Variants in CYB5R4 observed in about 807,000 individuals in gnomAD.
CYB5R4 encodes cytochrome b5 reductase 4.
A neutral mutation model predicts 70.2 loss-of-function variants in CYB5R4; 55 were observed. That is an observed-to-expected ratio of 0.78 (90% CI 0.63 to 0.98). The LOEUF (loss-of-function observed/expected upper bound fraction) is 0.98, where lower values mean the gene tolerates loss of function less well. CYB5R4 is among the 50% of genes least tolerant of loss of function. CYB5R4 has a pLI of 0.00. For synonymous variants in CYB5R4, 197 were observed against 199.5 expected (o/e 0.99, Z 0.11); for missense variants, 562 against 612.6 (o/e 0.92, Z 0.87).
rs550167851 is a variant in CYB5R4, at chr6:83,897,518, T to C, written c.330+3896T>C. On this transcript the variant is annotated intron_variant, in intron 3 of 15. Transcript: ENST00000369681. Reference sequence around the variant, plus strand: ...AACCAGTTTACAGTCTCACTAACAGTAAAAGTGTTCCTGTTTCTCCACATC... The same window carrying C: ...AACCAGTTTACAGTCTCACTAACAGCAAAAGTGTTCCTGTTTCTCCACATC... Among the ~76,000 whole-genome samples, 45 of 152,334 alleles carry C rather than the reference T, an allele frequency of 3.0e-4. No homozygotes were observed. The South Asian group carries it at 8.3e-3, about 28-fold the overall frequency.
intron 2 of CYB5R4, among the ~76,000 whole-genome samples, chr6:83,889,850 C>T (rs763181005): frequency 3.9e-5 from 6 of 151,978 alleles, no homozygotes; most frequent in Non-Finnish European, 8.8e-5. Context: ...AAAGCAGAAG[C>T]AAGAAAAAGA....
At chr6:83,865,739 G>A (rs1347200366) in intron 2 of CYB5R4, among the ~76,000 whole-genome samples, 1 of 152,050 alleles carries the variant, frequency 6.6e-6, no homozygotes, top group Non-Finnish European at 1.5e-5. Flanking sequence ...GAATTTGGAG[G>A]GGGACACAGT....
At chr6:83,884,674 A>G (rs550140895) in intron 2 of CYB5R4, among the ~76,000 whole-genome samples, 1 of 152,272 alleles carries the variant, frequency 6.6e-6, no homozygotes, top group South Asian at 2.1e-4. Flanking sequence ...TAATTGTAAC[A>G]ATCGACCTGT....
chr6:83,891,194 G>A (rs1178714133), intron 2 of CYB5R4, among the ~76,000 whole-genome samples: 1 of 151,984 alleles, frequency 6.6e-6, no homozygotes, highest in Non-Finnish European at 1.5e-5. Flanking sequence ...CAATCCTCCT[G>A]CCTCGGCCTC....
chr6:83,882,980 GCAAA>G (rs897349505), intron 2 of CYB5R4, among the ~76,000 whole-genome samples: 5 of 151,728 alleles, frequency 3.3e-5, no homozygotes, highest in African/African-American at 7.3e-5. Context: ...TCTCAAAAAA[GCAAA>G]CAAACAAAGG....
intron 15 of CYB5R4, among the ~76,000 whole-genome samples, chr6:83,957,331 T>G (rs1373459656): frequency 6.6e-6 from 1 of 152,126 alleles, no homozygotes; most frequent in Non-Finnish European, 1.5e-5. Context: ...ATAATACTTT[T>G]AAATAATTAG....
intron 9 of CYB5R4, 29 bp downstream of exon 9, chr6:83,922,499 A>G (rs1465903303): frequency 1.9e-6 from 3 of 1,553,528 alleles, no homozygotes; most frequent in Non-Finnish European, 1.8e-6. Flanking sequence ...AAAATTATGT[A>G]TGTACGTACA....
At chr6:83,930,272 A>G (rs180754945) in intron 10 of CYB5R4, among the ~76,000 whole-genome samples, 148 of 152,216 alleles carry the variant, frequency 9.7e-4, no homozygotes, top group African/African-American at 3.3e-3. Flanking sequence ...GCCCACATCG[A>G]TTGACCCTTT....
At chr6:83,872,805 C>T (rs1398255823) in intron 2 of CYB5R4, among the ~76,000 whole-genome samples, 1 of 152,180 alleles carries the variant, frequency 6.6e-6, no homozygotes. Context: ...TATACTTACT[C>T]ACTTAAACCT....
At chr6:83,927,460 A>T (rs1273967318) in intron 10 of CYB5R4, among the ~76,000 whole-genome samples, 1 of 152,156 alleles carries the variant, frequency 6.6e-6, no homozygotes, top group African/African-American at 2.4e-5. Flanking sequence ...CTATCTTCTG[A>T]CCAGCTACCT....
At chr6:83,900,772 A>G (rs370725380) in intron 3 of CYB5R4, among the ~76,000 whole-genome samples, 1 of 152,042 alleles carries the variant, frequency 6.6e-6, no homozygotes, top group Non-Finnish European at 1.5e-5. Flanking sequence ...CTGTTTCATC[A>G]GAGACTAGGA....
intron 7 of CYB5R4, among the ~76,000 whole-genome samples, chr6:83,920,847 T>G (rs960221984): frequency 4.6e-5 from 7 of 152,020 alleles, no homozygotes; most frequent in Non-Finnish European, 8.8e-5. Context: ...GCTTAGAGAT[T>G]AGTGGATAAG....
At chr6:83,929,712 A>AT (rs2099467862) in intron 10 of CYB5R4, among the ~76,000 whole-genome samples, 1 of 152,182 alleles carries the variant, frequency 6.6e-6, no homozygotes, top group South Asian at 2.1e-4. Flanking sequence ...TCAATAGATA[A>AT]TTGAATTGCT....
At chr6:83,902,036 C>A (rs550899704) in intron 3 of CYB5R4, among the ~76,000 whole-genome samples, 2 of 152,198 alleles carry the variant, frequency 1.3e-5, no homozygotes, top group East Asian at 3.9e-4. Flanking sequence ...AATATAGTTA[C>A]ATTTGTCTAT....
chr6:83,958,288 A>G (rs760950578), intron 15 of CYB5R4, among the ~76,000 whole-genome samples: 17 of 152,358 alleles, frequency 1.1e-4, no homozygotes, highest in South Asian at 6.2e-4. Flanking sequence ...ATCTAGTGGT[A>G]GAAACAAATG....
At chr6:83,950,744 A>T (rs2099471399) in intron 14 of CYB5R4, among the ~76,000 whole-genome samples, 1 of 152,136 alleles carries the variant, frequency 6.6e-6, no homozygotes, top group Non-Finnish European at 1.5e-5. Context: ...AAAAGGTATA[A>T]GAAAAAAATC....
intron 11 of CYB5R4, among the ~76,000 whole-genome samples, 164 bp downstream of exon 11, chr6:83,934,899 A>G (rs1249326656): frequency 6.6e-6 from 1 of 152,254 alleles, no homozygotes; most frequent in Non-Finnish European, 1.5e-5. Context: ...AACGTGTCCT[A>G]CATGTTGGAA....
chr6:83,872,280 T>C (rs964176266), intron 2 of CYB5R4, among the ~76,000 whole-genome samples: 1 of 152,188 alleles, frequency 6.6e-6, no homozygotes, highest in Non-Finnish European at 1.5e-5. Flanking sequence ...AGTGCTTCCT[T>C]TTTTTAAGTA....
intron 10 of CYB5R4, among the ~76,000 whole-genome samples, chr6:83,933,446 G>A (rs1483607643): frequency 6.6e-6 from 1 of 152,126 alleles, no homozygotes; most frequent in Non-Finnish European, 1.5e-5. Context: ...ACTAAGCATT[G>A]ATTATTAGCT....
Sources: allele counts gnomAD v4.1 joint callset (sites outside exome capture counted in the v4.1 genomes callset), GRCh38; gene constraint gnomAD v4.1.1; transcripts MANE v1.5; gene names NCBI Gene and HGNC (gene_info 2026-07-23, HGNC 2026-07-21).